The following CFAP70 variants were observed in gnomAD, a reference collection of about 807,000 sequenced individuals.
CFAP70 encodes the protein cilia and flagella associated protein 70.
CFAP70 carries 81 observed loss-of-function variants against 137.6 expected under a neutral mutation model. That is an observed-to-expected ratio of 0.59 (90% confidence interval 0.49 to 0.71). The LOEUF (loss-of-function observed/expected upper bound fraction) is 0.71. Ranked by LOEUF, CFAP70 falls within the 30% of genes least tolerant of loss-of-function variation. The probability of loss-of-function intolerance (pLI) is 0.00; values close to 1 mark genes in which losing one functional copy is unlikely to be tolerated. For missense variants in CFAP70, 976 were observed against 1,226.7 expected (o/e 0.80, Z 3.05); for synonymous variants, 382 against 423.6 (o/e 0.90, Z 1.20).
intron 21 of CFAP70, chr10:73,276,751 G>T (rs1784397038): frequency 6.6e-6 from 1 of 152,204 alleles, no homozygotes. Flanking sequence ...CTGAGAGGAG[G>T]CTTCAATTCT....
At position 73,348,159 on chromosome 10, in the gene CFAP70, A is replaced by G. The variant is rs781394396; in HGVS notation, c.349+264T>C. ...TGAGAGCTAAAACTCTGATTACCTTAGCACTTGATCTAGGAGTTTCTAAGG... is the reference window on the plus strand; with the variant it reads ...TGAGAGCTAAAACTCTGATTACCTTGGCACTTGATCTAGGAGTTTCTAAGG... On this transcript the variant is annotated intron_variant, in intron 4 of 26. Coordinates refer to ENST00000310715, the Ensembl canonical transcript of CFAP70. The G allele has an allele frequency of 3.1e-6, 5 of 1,613,926 alleles. No individual in the cohort carries two copies. The Admixed American group carries it at 5.0e-5, about 16-fold the overall frequency.
chr10:73,293,283 C>T (rs1302123744), exon 16 of CFAP70: 1 of 1,611,526 alleles, frequency 6.2e-7, no homozygotes, highest in Non-Finnish European at 8.5e-7. Flanking sequence ...TATGCTGCTG[C>T]CATCTCAAAG....
At chr10:73,291,957 G>A (rs769522634) in exon 17 of CFAP70, 1 of 1,614,170 alleles carries the variant, frequency 6.2e-7, no homozygotes, top group Non-Finnish European at 8.5e-7. Context: ...TCAGTTAGGA[G>A]GCAGAAGGCA....
intron 13 of CFAP70, 123 bp from the exon 15 acceptor site, chr10:73,299,224 G>T: frequency 1.3e-6 from 1 of 766,874 alleles, no homozygotes; most frequent in Non-Finnish European, 2.1e-6. Flanking sequence ...TTGTTTGTTT[G>T]TTTTAGAGAC....
At chr10:73,331,060 AC>A (rs1287735847) in intron 8 of CFAP70, 116 bp downstream of exon 9, 1 of 640,960 alleles carries the variant, frequency 1.6e-6, no homozygotes, top group Admixed American at 3.0e-5. Context: ...TGAGCTAGTC[AC>A]CCTTAGGAGA....
At chr10:73,351,053 G>A (rs1225644476) in intron 3 of CFAP70, among the ~76,000 whole-genome samples, 5 of 49,958 alleles carry the variant, frequency 1.0e-4, no homozygotes, top group African/African-American at 4.6e-4. Flanking sequence ...ATATGTGTGT[G>A]TGTGTGTGTG....
intron 14 of CFAP70, among the ~76,000 whole-genome samples, chr10:73,298,628 T>C (rs1049431123): frequency 6.6e-6 from 1 of 152,140 alleles, no homozygotes; most frequent in African/African-American, 2.4e-5. Context: ...AGTTTCTGCC[T>C]CCTACAGTGA....
At chr10:73,266,245 A>G (rs955098197) in intron 25 of CFAP70, among the ~76,000 whole-genome samples, 40 of 152,124 alleles carry the variant, frequency 2.6e-4, no homozygotes, top group African/African-American at 9.7e-4. Context: ...ATATTATTCA[A>G]AAGTCAAAAG....
chr10:73,325,780 G>T (rs1187694648), intron 8 of CFAP70, among the ~76,000 whole-genome samples: 7 of 152,058 alleles, frequency 4.6e-5, no homozygotes, highest in Non-Finnish European at 7.4e-5. Context: ...TCAACAAGAA[G>T]AGCTAACTAT....
chr10:73,336,039 G>C lies in CFAP70; in HGVS notation c.583-515C>G, dbSNP rs573845522. Among the ~76,000 whole-genome samples the C allele has an allele frequency of 2.0e-5, 3 of 151,764 alleles. No homozygotes were observed. In the East Asian group the frequency reaches 5.8e-4, roughly 29 times the overall value. On this transcript the variant is annotated intron_variant, in intron 6 of 26. Coordinates refer to ENST00000310715, the Ensembl canonical transcript of CFAP70. Reference sequence around the variant, plus strand: ...GCCTGTGGTCCCAGCTACTCACGAGGCTGAGGCAGGAGGATTGCTTGAGCC... The same window carrying C: ...GCCTGTGGTCCCAGCTACTCACGAGCCTGAGGCAGGAGGATTGCTTGAGCC...
intron 19 of CFAP70, among the ~76,000 whole-genome samples, chr10:73,289,238 C>G (rs944378217): frequency 3.3e-5 from 5 of 152,034 alleles, no homozygotes; most frequent in African/African-American, 1.2e-4. Context: ...AAAAAAGAGA[C>G]ATACTTAAAC....
chr10:73,348,894 C>T (rs1282757107), intron 3 of CFAP70, among the ~76,000 whole-genome samples: 1 of 151,884 alleles, frequency 6.6e-6, no homozygotes, highest in African/African-American at 2.4e-5. Context: ...GAAAACCTGC[C>T]TCTACTAAAA....
chr10:73,286,369 G>A lies in CFAP70; in HGVS notation c.2239+4857C>T, dbSNP rs191688069. On this transcript the variant is annotated intron_variant, in intron 19 of 26. Transcript: ENST00000310715. ...TGAGGCAGGAGAATGGCGTGAACCC[G>A]GGAGGCGGAGCTTGCAGTGAGCCGA... 5.8e-3 allele frequency among the ~76,000 whole-genome samples: 889 copies of A among 152,104 alleles called. 8 individuals are homozygous for A. The highest frequency in any genetic ancestry group is 0.02 in the African/African-American group (824 of 41,500).
intron 7 of CFAP70, among the ~76,000 whole-genome samples, chr10:73,334,860 G>T (rs1025597349): frequency 6.7e-6 from 1 of 149,992 alleles, no homozygotes; most frequent in Non-Finnish European, 1.5e-5. Context: ...TTACAGTTGT[G>T]AGCCATTGCA....
In CFAP70 at chr10:73,326,221, T is replaced by C. The variant is rs2051404437; in HGVS notation, c.778-3124A>G. ...TCAACTACATGGAAACTGAACAACC[T>C]GCTCCTGAATGACTATTGGGTACGT... On this transcript the variant is annotated intron_variant, in intron 8 of 26. Coordinates refer to ENST00000310715, the Ensembl canonical transcript of CFAP70. 2.0e-5 allele frequency among the ~76,000 whole-genome samples: 3 copies of C among 151,986 alleles called. No homozygotes were observed. The South Asian group carries it at 6.3e-4, about 32-fold the overall frequency.
At chr10:73,343,125 A>C (rs1408382105) in intron 5 of CFAP70, among the ~76,000 whole-genome samples, 9 of 150,692 alleles carry the variant, frequency 6.0e-5, no homozygotes, top group Non-Finnish European at 1.0e-4. Context: ...CAGGAGAATC[A>C]CTTGAACCCA....
At chr10:73,318,304 T>C (rs1054699587) in intron 9 of CFAP70, among the ~76,000 whole-genome samples, 3 of 152,244 alleles carry the variant, frequency 2.0e-5, no homozygotes, top group Non-Finnish European at 2.9e-5. Flanking sequence ...GTCAACCTCC[T>C]CACTTGGCCA....
intron 19 of CFAP70, among the ~76,000 whole-genome samples, chr10:73,287,420 G>A (rs2047813454): frequency 1.3e-5 from 2 of 152,110 alleles, no homozygotes; most frequent in South Asian, 4.1e-4. Flanking sequence ...AACGTTATGT[G>A]GTACATGACC....
At chr10:73,317,338 T>C (rs1382756040) in intron 9 of CFAP70, among the ~76,000 whole-genome samples, 1 of 152,104 alleles carries the variant, frequency 6.6e-6, no homozygotes, top group Non-Finnish European at 1.5e-5. Context: ...TTTTGGTTGG[T>C]AGTTTTTGTG....
Sources: gnomAD v4.1 joint callset for allele counts (sites outside exome capture counted in the v4.1 genomes callset) on GRCh38, gnomAD v4.1.1 for gene constraint, MANE v1.5 for transcripts, NCBI Gene and HGNC (gene_info 2026-07-23, HGNC 2026-07-21) for gene names.